The following PDIA6 variants were observed in gnomAD, a reference collection of about 807,000 sequenced individuals.
PDIA6 encodes protein disulfide-isomerase A6.
Under a neutral mutation model 58.4 loss-of-function variants are expected in PDIA6, and 29 were observed. The ratio of observed to expected loss-of-function variants is 0.50; its 90% CI spans 0.37 to 0.68. The LOEUF (loss-of-function observed/expected upper bound fraction) is 0.68, where lower values mean the gene tolerates loss of function less well. PDIA6 is among the 30% of genes least tolerant of loss of function. The probability of loss-of-function intolerance (pLI) is 0.00; values close to 1 mark genes in which losing one functional copy is unlikely to be tolerated. For synonymous variants in PDIA6, 192 were observed against 202.6 expected (o/e 0.95, Z 0.44); for missense variants, 480 against 551.0 (o/e 0.87, Z 1.29).
At chr2:10,816,817 G>A (rs1475693072), upstream of PDIA6, among the ~76,000 whole-genome samples, 1 of 152,182 alleles carries the variant, frequency 6.6e-6, no homozygotes, top group Non-Finnish European at 1.5e-5. Context: ...TCAACATTCT[G>A]TTTTGTTGGG....
chr2:10,814,717 C>G (rs56260452), upstream of PDIA6, among the ~76,000 whole-genome samples: 21,663 of 152,246 alleles, frequency 0.14, 1,963 homozygotes, highest in Non-Finnish European at 0.21. Context: ...TTTGTCTTTA[C>G]ATTAAGACAG....
At chr2:10,821,274 T>C (rs1224772654) in intron 1 of PDIA6, 1 of 163,760 alleles carries the variant, frequency 6.1e-6, no homozygotes, top group Non-Finnish European at 1.3e-5. Flanking sequence ...AGTAAGCCAG[T>C]GGAGGGCAAG....
chr2:10,820,271 G>A (rs1483011566), intron 1 of PDIA6, among the ~76,000 whole-genome samples: 1 of 152,200 alleles, frequency 6.6e-6, no homozygotes, highest in Admixed American at 6.5e-5. Context: ...TTATAGATGA[G>A]TCGCTGGGGA....
Position 10,784,400 on chromosome 2 carries a change from G to C in PDIA6, c.1255-74C>G. On this transcript the variant is annotated intron_variant, in intron 12 of 12. Coordinates refer to ENST00000272227, the MANE Select transcript of PDIA6 (RefSeq NM_005742.4). ...TGGAAGGTCAACATCTCATTTTATG[G>C]AAGAGCGACTCTCTGGAGCTACTCC... is the stretch of plus-strand genomic sequence containing the variant. 2.6e-6 allele frequency: 3 copies of C among 1,138,164 alleles called. No individual in the cohort carries two copies. In the South Asian group the frequency reaches 4.1e-5, roughly 16 times the overall value. 70.5% of individuals were successfully genotyped at this position (1,138,164 alleles called of 1,614,324 possible).
At chr2:10,821,055 T>G (rs1667374333) in intron 1 of PDIA6, 1 of 529,756 alleles carries the variant, frequency 1.9e-6, no homozygotes. Context: ...CCACAGAATT[T>G]TCAGGTCGTG....
At chr2:10,830,747 G>C (rs1309886949) in intron 1 of PDIA6, among the ~76,000 whole-genome samples, 1 of 152,182 alleles carries the variant, frequency 6.6e-6, no homozygotes, top group Non-Finnish European at 1.5e-5. Context: ...CAGGCCCTCG[G>C]GTCACCCCCT....
intron 1 of PDIA6, among the ~76,000 whole-genome samples, chr2:10,831,048 G>A (rs975585404): frequency 2.0e-5 from 3 of 152,220 alleles, no homozygotes; most frequent in Admixed American, 1.3e-4. Context: ...TTGTGGGAGC[G>A]CAGCGGACTC....
intron 3 of PDIA6, 30 bp downstream of exon 3, chr2:10,797,670 G>T: frequency 2.5e-6 from 4 of 1,575,252 alleles, no homozygotes; most frequent in Non-Finnish European, 3.5e-6. Context: ...AAAAAGTTTT[G>T]TAAGCCTTTT....
chr2:10,785,549 T>C (rs1665683019), intron 11 of PDIA6, among the ~76,000 whole-genome samples: 1 of 152,156 alleles, frequency 6.6e-6, no homozygotes, highest in Admixed American at 6.5e-5. Flanking sequence ...GGCACAAATA[T>C]TTAGAGTTCA....
intron 11 of PDIA6, among the ~76,000 whole-genome samples, chr2:10,786,318 T>G (rs6432145): frequency 8.0e-5 from 11 of 136,916 alleles, no homozygotes; most frequent in South Asian, 7.0e-4. Context: ...GTCTCGGGGG[T>G]GGGGGGGAAA....
intron 12 of PDIA6, 36 bp from the exon 13 acceptor site, chr2:10,784,362 G>A: frequency 1.3e-6 from 2 of 1,549,606 alleles, no homozygotes; most frequent in Non-Finnish European, 1.8e-6. Context: ...TAGATCTGCA[G>A]AAGGGGACAC....
At chr2:10,812,921 G>C, upstream of PDIA6, 1 of 968,636 alleles carries the variant, frequency 1.0e-6, no homozygotes. Flanking sequence ...CGGCCGGGTA[G>C]AGGTTACCGG....
chr2:10,821,747 C>T (rs1667401618), intron 1 of PDIA6, among the ~76,000 whole-genome samples: 1 of 151,852 alleles, frequency 6.6e-6, no homozygotes, highest in Non-Finnish European at 1.5e-5. Context: ...GCCTCAGGCT[C>T]CCAAGTAATT....
upstream of PDIA6, chr2:10,812,825 G>A (rs985321968): frequency 5.1e-6 from 6 of 1,179,618 alleles, no homozygotes; most frequent in Non-Finnish European, 6.3e-6. Context: ...CGGCCGCGCG[G>A]GGGCGGGCCG....
chr2:10,785,520 C>G (rs894657628), intron 11 of PDIA6, among the ~76,000 whole-genome samples: 11 of 152,166 alleles, frequency 7.2e-5, no homozygotes, highest in African/African-American at 2.6e-4. Flanking sequence ...GTTGGGAAAC[C>G]AGAGCCAGAA....
At chr2:10,812,145 G>C (rs1667022719) in intron 1 of PDIA6, among the ~76,000 whole-genome samples, 1 of 152,136 alleles carries the variant, frequency 6.6e-6, no homozygotes, top group Admixed American at 6.5e-5. Context: ...CCTGACCTCA[G>C]ATGATCCACC....
At position 10,809,645 on chromosome 2, in the gene PDIA6, CAA is replaced by C. The variant is rs56308831; in HGVS notation, c.19+3031_19+3032del. The stretch of plus-strand genomic sequence containing the variant: ...TGGGAGGCAGAGCAAGACCCGGTCT[CAA>C]AAAAAAAAAAAAAAAAAAAAAAAAA... On this transcript the variant is annotated intron_variant, in intron 1 of 12. Coordinates refer to ENST00000272227, the MANE Select transcript of PDIA6 (RefSeq NM_005742.4). Among the ~76,000 whole-genome samples the C allele has an allele frequency of 1.6e-3, 102 of 64,654 alleles. No individual in the cohort carries two copies. The South Asian group carries it at 0.036, about 23-fold the overall frequency. 42.4% of individuals were successfully genotyped at this position (64,654 alleles called of 152,430 possible).
Position 10,784,198 on chromosome 2 carries a change from G to A in PDIA6, c.*60C>T. The A allele has an allele frequency of 1.5e-6, 2 of 1,363,124 alleles. No individual in the cohort carries two copies. The highest frequency in any genetic ancestry group is 2.1e-6 in the Non-Finnish European group (2 of 966,026). The allele number at this position is 1,363,124 out of a possible 1,614,324, so 84.4% of individuals were successfully genotyped here. A position where few individuals can be genotyped will look rare whatever the true frequency, so the allele number is the denominator to read the frequency against. ...TGAGTGTAGAGAATGTCCCTTCACTGCTGGAAAAATCCACTGGCTCCCAAG... is the reference window on the plus strand; with the variant it reads ...TGAGTGTAGAGAATGTCCCTTCACTACTGGAAAAATCCACTGGCTCCCAAG... On this transcript the variant is annotated 3_prime_UTR_variant, in exon 13 of 13. Coordinates refer to ENST00000272227, the MANE Select transcript of PDIA6 (RefSeq NM_005742.4).
chr2:10,811,057 C>A (rs1457367062), intron 1 of PDIA6, among the ~76,000 whole-genome samples: 1 of 152,156 alleles, frequency 6.6e-6, no homozygotes, highest in Non-Finnish European at 1.5e-5. Context: ...CCAGAGCAGT[C>A]ATCTAGAAAC....
Sources: gnomAD v4.1 joint callset for allele counts (sites outside exome capture counted in the v4.1 genomes callset) on GRCh38, gnomAD v4.1.1 for gene constraint, MANE v1.5 for transcripts, NCBI Gene and HGNC (gene_info 2026-07-23, HGNC 2026-07-21) for gene names.